Variants in ADPRHL1 observed in about 807,000 individuals in gnomAD.
The protein encoded by ADPRHL1 is inactive ADP-ribosyltransferase ARH2.
Under a neutral mutation model 44.1 loss-of-function variants are expected in ADPRHL1, and 43 were observed. The observed-to-expected ratio is 0.98, with a 90% CI of 0.76 to 1.26. The LOEUF (loss-of-function observed/expected upper bound fraction) is 1.26. Ranked by LOEUF, ADPRHL1 falls within the 50% of genes most tolerant of loss-of-function variation. The pLI is 0.00. For missense variants in ADPRHL1, 2,022 were observed against 2,496.9 expected (o/e 0.81, Z 4.05); for synonymous variants, 878 against 1,017.4 (o/e 0.86, Z 2.61).
intron 1 of ADPRHL1, among the ~76,000 whole-genome samples, chr13:113,448,521 A>G (rs916530753): frequency 1.3e-5 from 2 of 149,924 alleles, no homozygotes; most frequent in African/African-American, 2.5e-5. Context: ...CCCATGTCTC[A>G]ATAAAGAAAA....
intron 7 of ADPRHL1, among the ~76,000 whole-genome samples, chr13:113,420,802 T>C (rs1218808936): frequency 6.6e-6 from 1 of 151,860 alleles, no homozygotes; most frequent in East Asian, 1.9e-4. Context: ...ACGGGGCATC[T>C]CTATGGAAAA....
At position 113,405,777 on chromosome 13, in the gene ADPRHL1, G is replaced by A. The variant is rs1490112423; in HGVS notation, c.3505C>T (p.Pro1169Ser). 4.9e-6 allele frequency: 6 copies of A among 1,231,680 alleles called. No individual in the cohort carries two copies. Among genetic ancestry groups the A allele is most frequent in the African/African-American group, 3.1e-5 (2 of 64,432 alleles). 76.3% of individuals were successfully genotyped at this position (1,231,680 alleles called of 1,614,324 possible). The change falls in exon 8 of 8, where the codon CCT (proline) becomes TCT (serine). Residue 1169 changes from proline (P) to serine (S), a missense_variant. Physicochemically the swap from Pro to Ser is moderately conservative, Grantham distance 74 (BLOSUM62 -1). This residue lies in a region of ADPRHL1 where 1,221 missense variants were observed against 1,517.8 expected (regional missense o/e 0.80). Transcript: ENST00000612156. ...GGGGCCAGGAGGCCGTGGCTGTGAG[G>A]GTCTCGAGGGAGAGCCTCTCCTCTG... ...HPRGEALPRD[P>S]HSHGLLAPGG...
intron 3 of ADPRHL1, among the ~76,000 whole-genome samples, chr13:113,429,962 C>A (rs35182420): frequency 1.3e-5 from 2 of 152,180 alleles, no homozygotes; most frequent in Non-Finnish European, 2.9e-5. Flanking sequence ...TAATAAAACA[C>A]GGTTAAGGAA....
intron 1 of ADPRHL1, among the ~76,000 whole-genome samples, chr13:113,451,814 C>A (rs1028658520): frequency 1.3e-5 from 2 of 150,390 alleles, no homozygotes; most frequent in Non-Finnish European, 2.9e-5. Context: ...TCTCAAAAAA[C>A]AAACAAAAAA....
Position 113,405,063 on chromosome 13 carries a change from C to T in ADPRHL1, c.4219G>A (p.Val1407Met), listed in dbSNP as rs2043796844. The T allele has an allele frequency of 8.1e-7, 1 of 1,232,432 alleles. No individual in the cohort carries two copies. The highest frequency in any genetic ancestry group is 1.0e-6 in the Non-Finnish European group (1 of 988,460). The allele number at this position is 1,232,432 out of a possible 1,614,324, so 76.3% of individuals were successfully genotyped here. Reference sequence around the variant, plus strand: ...TGAGGCTCTTTTGCTGGGTTCAGCACAACCTTCGAGCCCGACGGCGCCACC... The same window carrying T: ...TGAGGCTCTTTTGCTGGGTTCAGCATAACCTTCGAGCCCGACGGCGCCACC... ...KRVAPSGSKV[V>M]LNPAKEPQTW... is the part of the protein sequence containing the mutation. The change falls in exon 8 of 8, where the codon GTG becomes ATG. Residue 1407 changes from valine to methionine, a missense_variant. Val to Met is a conservative substitution (Grantham distance 21, BLOSUM62 1). Transcript: ENST00000612156.
rs2043759475 is a variant in ADPRHL1 at position 113,401,265 on chromosome 13, C to T, written c.*2113G>A. ...CCCTGAGCTCCCCTCTCATGGGCCT[C>T]TCCGTTTGGGTGGCTCCGAGAGGCC... On this transcript the variant is annotated 3_prime_UTR_variant, in exon 8 of 8. Coordinates refer to ENST00000612156, the MANE Select transcript of ADPRHL1 (RefSeq NM_001394807.1). This position sits in a 1 kb window ranked among gnomAD's most constrained non-coding sequence, Gnocchi z 5.5. The T allele has an allele frequency of 6.6e-6, 1 of 152,332 alleles. No individual in the cohort carries two copies. Among genetic ancestry groups the T allele is most frequent in the East Asian group, 1.9e-4 (1 of 5,146 alleles). 9.4% of individuals were successfully genotyped at this position (152,332 alleles called of 1,614,324 possible).
rs559967651 is a variant in ADPRHL1, at chr13:113,409,142, C to G, written c.1062-922G>C. Among the ~76,000 whole-genome samples, 16 of 152,124 alleles carry G rather than the reference C, an allele frequency of 1.1e-4. No homozygotes were observed. Among genetic ancestry groups the G allele is most frequent in the Admixed American group, 7.2e-4 (11 of 15,268 alleles). ...CCCACCAGCCCAGCTTTCAAAGAGA[C>G]GGGACCAAATGGGTCTTGGCTGGAG... On this transcript the variant is annotated intron_variant, in intron 7 of 7. Coordinates refer to ENST00000612156, the MANE Select transcript of ADPRHL1 (RefSeq NM_001394807.1). The surrounding 1 kb of genome is among the most constrained non-coding windows in gnomAD (Gnocchi z 4.2).
chr13:113,449,073 C>T (rs1376379558), intron 1 of ADPRHL1: 18 of 987,358 alleles, frequency 1.8e-5, no homozygotes, highest in Admixed American at 6.1e-5. Flanking sequence ...GCCATGGATG[C>T]CACCTCTCCT....
At chr13:113,410,936 C>A (rs2043848268) in intron 7 of ADPRHL1, among the ~76,000 whole-genome samples, 1 of 152,224 alleles carries the variant, frequency 6.6e-6, no homozygotes, top group Non-Finnish European at 1.5e-5. Flanking sequence ...CCCTTCACCC[C>A]AGGAGGCTGA....
rs898916738 is a variant in ADPRHL1 at position 113,401,708 on chromosome 13, C to G, written c.*1670G>C. 2 of 152,318 alleles carry G rather than the reference C, an allele frequency of 1.3e-5. No homozygotes were observed. Among genetic ancestry groups the G allele is most frequent in the African/African-American group, 4.8e-5 (2 of 41,462 alleles). 9.4% of individuals were successfully genotyped at this position (152,318 alleles called of 1,614,324 possible). A position where few individuals can be genotyped will look rare whatever the true frequency, so the allele number is the denominator to read the frequency against. On this transcript the variant is annotated 3_prime_UTR_variant, in exon 8 of 8. Transcript: ENST00000612156. The surrounding 1 kb of genome is among the most constrained non-coding windows in gnomAD (Gnocchi z 5.5). Reference sequence around the variant, plus strand: ...CCGGCCCTCCTTCCAGACACCAGCACTCGCATGTCCCAGCAGGTGAGGGTG... The same window carrying G: ...CCGGCCCTCCTTCCAGACACCAGCAGTCGCATGTCCCAGCAGGTGAGGGTG...
Position 113,409,293 on chromosome 13 carries a change from C to A in ADPRHL1, c.1062-1073G>T. 1 of 985,374 alleles carries A rather than the reference C, an allele frequency of 1.0e-6. No individual in the cohort carries two copies. Among genetic ancestry groups the A allele is most frequent in the Non-Finnish European group, 1.2e-6 (1 of 829,914 alleles). 61.0% of individuals were successfully genotyped at this position (985,374 alleles called of 1,614,324 possible). A position where few individuals can be genotyped will look rare whatever the true frequency, so the allele number is the denominator to read the frequency against. On this transcript the variant is annotated intron_variant, in intron 7 of 7. Coordinates refer to ENST00000612156, the MANE Select transcript of ADPRHL1 (RefSeq NM_001394807.1). This position sits in a 1 kb window ranked among gnomAD's most constrained non-coding sequence, Gnocchi z 4.2. ...CCCCATCTGTGGCAGGGGGTGGAGCCGTCTCTGACCTCCCCAGATGATAAT... is the reference window on the plus strand; with the variant it reads ...CCCCATCTGTGGCAGGGGGTGGAGCAGTCTCTGACCTCCCCAGATGATAAT...
At chr13:113,433,505 A>G (rs906999527) in intron 3 of ADPRHL1, among the ~76,000 whole-genome samples, 2 of 152,188 alleles carry the variant, frequency 1.3e-5, no homozygotes, top group Non-Finnish European at 2.9e-5. Context: ...AACTCCCCCA[A>G]CAAATAAAAA....
In ADPRHL1 at chr13:113,409,682, C is replaced by T. The variant is rs1321646025; in HGVS notation, c.1062-1462G>A. The T allele has an allele frequency of 8.2e-6, 7 of 858,696 alleles. 1 individual carries two copies. The South Asian group carries it at 2.1e-4, about 26-fold the overall frequency. The allele number at this position is 858,696 out of a possible 1,614,324, so 53.2% of individuals were successfully genotyped here. ...CTGGCAGATCACGAGGTCAGGAGAT[C>T]GAGACCATCCTGGATAACACGGTGA... On this transcript the variant is annotated intron_variant, in intron 7 of 7. Coordinates refer to ENST00000612156, the MANE Select transcript of ADPRHL1 (RefSeq NM_001394807.1). The surrounding 1 kb of genome is among the most constrained non-coding windows in gnomAD (Gnocchi z 4.2).
At position 113,403,919 on chromosome 13, in the gene ADPRHL1, G is replaced by A. The variant is rs1187531847; in HGVS notation, c.5363C>T (p.Thr1788Ile). Residue 1788 changes from threonine (T) to isoleucine (I), a missense_variant, in exon 8 of 8, where the codon ACT becomes ATT. Coordinates refer to ENST00000612156, the MANE Select transcript of ADPRHL1 (RefSeq NM_001394807.1). ...DQGWEQTQIE[T>I]QRQTQKGAQE... ...AGCCCCTTTCTGGGTCTGCCTCTGAGTCTCTATCTGGGTCTGCTCCCAGCC... is the reference window on the plus strand; with the variant it reads ...AGCCCCTTTCTGGGTCTGCCTCTGAATCTCTATCTGGGTCTGCTCCCAGCC... 2.4e-6 allele frequency: 3 copies of A among 1,241,138 alleles called. No individual in the cohort carries two copies. In the Admixed American group the frequency reaches 1.3e-4, roughly 52 times the overall value. 76.9% of individuals were successfully genotyped at this position (1,241,138 alleles called of 1,614,324 possible).
At chr13:113,424,437 G>A in intron 5 of ADPRHL1, 88 bp from the exon 6 acceptor site, 1 of 1,547,718 alleles carries the variant, frequency 6.5e-7, no homozygotes, top group Non-Finnish European at 8.8e-7. Context: ...GCCCCTCCTA[G>A]TGAACTGCCA....
rs765948326 is a variant in ADPRHL1, at chr13:113,407,924, C to A, written c.1358G>T (p.Arg453Leu). ...RYLKRTREVG[R>L]LISKDKQGPG... is the part of the protein sequence containing the mutation. ...CCCCTGCTTGTCCTTGGAGATCAGC[C>A]GGCCCACCTCCCTGGTCCTCTTGAG... Residue 453 changes from arginine to leucine, a missense_variant, in exon 8 of 8, where the codon CGG becomes CTG. Around this residue, in one of 8 missense-constraint regions of ADPRHL1, gnomAD observed 1,221 missense variants for 1,517.8 expected, o/e 0.80. Coordinates refer to ENST00000612156, the MANE Select transcript of ADPRHL1 (RefSeq NM_001394807.1). 8.1e-7 allele frequency: 1 copy of A among 1,231,952 alleles called. No individual in the cohort carries two copies. The highest frequency in any genetic ancestry group is 3.2e-5 in the East Asian group (1 of 31,692). The allele number at this position is 1,231,952 out of a possible 1,614,324, so 76.3% of individuals were successfully genotyped here. A position where few individuals can be genotyped will look rare whatever the true frequency, so the allele number is the denominator to read the frequency against.
At chr13:113,430,465 C>T (rs529716674) in intron 3 of ADPRHL1, among the ~76,000 whole-genome samples, 3 of 152,238 alleles carry the variant, frequency 2.0e-5, no homozygotes, top group Non-Finnish European at 2.9e-5. Context: ...GAGATGCAGT[C>T]GTGTGGGAGG....
chr13:113,442,601 G>A (rs1353324382), intron 2 of ADPRHL1, among the ~76,000 whole-genome samples: 1 of 152,204 alleles, frequency 6.6e-6, no homozygotes, highest in African/African-American at 2.4e-5. Context: ...TGTGATGTGT[G>A]TCTTTCTTCT....
chr13:113,432,146 T>G lies in ADPRHL1; in HGVS notation c.505+1596A>C, dbSNP rs1424259571. ...TCCAGCTTTTTTTTTGTTTTTGAGATAGGGCCTCGCCCTGTCGCCCAGGCT... is the reference window on the plus strand; with the variant it reads ...TCCAGCTTTTTTTTTGTTTTTGAGAGAGGGCCTCGCCCTGTCGCCCAGGCT... On this transcript the variant is annotated intron_variant, in intron 3 of 7. Coordinates refer to ENST00000612156, the MANE Select transcript of ADPRHL1 (RefSeq NM_001394807.1). 6.4e-4 allele frequency among the ~76,000 whole-genome samples: 97 copies of G among 152,062 alleles called. 1 individual carries two copies.
Sources: gnomAD v4.1 joint callset for allele counts (sites outside exome capture counted in the v4.1 genomes callset) on GRCh38, gnomAD v4.1.1 for gene constraint, gnomAD v4.1.1 regional missense constraint, Gnocchi (gnomAD v3.1) non-coding constraint, MANE v1.5 for transcripts, NCBI Gene and HGNC (gene_info 2026-07-23, HGNC 2026-07-21) for gene names.